The following MAP7 variants were observed in gnomAD, a reference collection of about 807,000 sequenced individuals.
MAP7 encodes the protein microtubule associated protein 7.
A neutral mutation model predicts 94.8 loss-of-function variants in MAP7; 52 were observed. The ratio of observed to expected loss-of-function variants is 0.55; its 90% confidence interval spans 0.44 to 0.69. The LOEUF (loss-of-function observed/expected upper bound fraction) is 0.69, where lower values mean the gene tolerates loss of function less well. Ranked by LOEUF, MAP7 falls within the 30% of genes least tolerant of loss-of-function variation. MAP7 has a pLI of 0.00. For synonymous variants in MAP7, 350 were observed against 357.0 expected (o/e 0.98, Z 0.22); for missense variants, 940 against 964.6 (o/e 0.97, Z 0.34).
intron 1 of MAP7, among the ~76,000 whole-genome samples, chr6:136,546,980 G>A (rs1352360122): frequency 6.6e-6 from 1 of 152,184 alleles, no homozygotes; most frequent in Non-Finnish European, 1.5e-5. Context: ...TTAGCAAGAT[G>A]TAAAGGTAAC....
chr6:136,448,178 C>A (rs74924003), intron 1 of MAP7, among the ~76,000 whole-genome samples: 4,458 of 151,742 alleles, frequency 0.029, 160 homozygotes, highest in East Asian at 0.13. Context: ...GCCGACACAG[C>A]GAGACTCTGT....
chr6:136,424,872 A>G (rs1385945140), intron 1 of MAP7, among the ~76,000 whole-genome samples: 1 of 152,246 alleles, frequency 6.6e-6, no homozygotes, highest in Non-Finnish European at 1.5e-5. Context: ...CCACAAGGAT[A>G]ATGTATTTCA....
At chr6:136,442,405 C>CAAAAAAAA (rs549791806) in intron 1 of MAP7, among the ~76,000 whole-genome samples, 1 of 90,656 alleles carries the variant, frequency 1.1e-5, no homozygotes, top group Admixed American at 1.2e-4. Context: ...ACTCTGTCTC[C>CAAAAAAAA]AAAAAAAAAA....
rs750474053 is a variant in MAP7, at chr6:136,389,347, G to A, written c.408+7C>T. ...GCCACTCATATTCTTCCCGGGGGGC[G>A]GCTCACTTTGTCCTCCTCAAGTCTC... On this transcript the variant is annotated splice_region_variant and intron_variant, in intron 4 of 17. Coordinates refer to ENST00000354570, the MANE Select transcript of MAP7 (RefSeq NM_003980.6). 13 of 1,519,420 alleles carry A rather than the reference G, an allele frequency of 8.6e-6. No individual in the cohort carries two copies. The highest frequency in any genetic ancestry group is 4.3e-5 in the African/African-American group (3 of 70,572). 94.1% of individuals were successfully genotyped at this position (1,519,420 alleles called of 1,614,324 possible).
chr6:136,448,368 T>A (rs1297365570), intron 1 of MAP7, among the ~76,000 whole-genome samples: 1 of 152,030 alleles, frequency 6.6e-6, no homozygotes, highest in African/African-American at 2.4e-5. Flanking sequence ...CAAAAAATCC[T>A]TCTATCATGA....
chr6:136,443,976 G>A (rs2128859661), intron 1 of MAP7, among the ~76,000 whole-genome samples: 1 of 152,256 alleles, frequency 6.6e-6, no homozygotes, highest in South Asian at 2.1e-4. Context: ...TTGTCATAGG[G>A]CACAAATTAA....
chr6:136,424,495 CTGG>C (rs2128783304), intron 1 of MAP7, among the ~76,000 whole-genome samples: 1 of 152,232 alleles, frequency 6.6e-6, no homozygotes, highest in Admixed American at 6.5e-5. Context: ...AACAAGCACC[CTGG>C]TGGTCTGGGA....
intron 1 of MAP7, among the ~76,000 whole-genome samples, chr6:136,485,555 ATTTT>A (rs747333121): frequency 2.0e-5 from 2 of 98,158 alleles, no homozygotes; most frequent in African/African-American, 4.5e-5. Context: ...TCCACTTCAG[ATTTT>A]TTTTTTTTTT....
chr6:136,345,900 C>T lies in MAP7; in HGVS notation c.2195G>A (p.Gly732Glu). 1 of 1,614,114 alleles carries T rather than the reference C, an allele frequency of 6.2e-7. No homozygotes were observed. Among genetic ancestry groups the T allele is most frequent in the African/African-American group, 1.3e-5 (1 of 75,010 alleles). The change falls in exon 17 of 18, where the codon GGG becomes GAG. Residue 732 changes from glycine (G) to glutamate (E), a missense_variant. By Grantham distance (98) the Gly-to-Glu change is moderately conservative (BLOSUM62 -2). Coordinates refer to ENST00000354570, the MANE Select transcript of MAP7 (RefSeq NM_003980.6). ...ILAFDDEGTL[G>E]PLPQVDGVQT... ...AACACCATCTACCTGAGGCAGGGGC[C>T]CAAGTGTCCCTTCATCATCAAAGGC...
At chr6:136,409,185 A>G (rs1786564778) in intron 3 of MAP7, among the ~76,000 whole-genome samples, 1 of 152,210 alleles carries the variant, frequency 6.6e-6, no homozygotes, top group African/African-American at 2.4e-5. Context: ...ATGAGATTGA[A>G]TTTTTAAAAA....
intron 1 of MAP7, among the ~76,000 whole-genome samples, chr6:136,433,703 G>A (rs191779271): frequency 3.3e-4 from 50 of 152,332 alleles, no homozygotes; most frequent in Non-Finnish European, 6.3e-4. Flanking sequence ...ATGGGTTCCA[G>A]GCCCCAGCTT....
chr6:136,454,035 C>G (rs1167287588), intron 1 of MAP7, among the ~76,000 whole-genome samples: 1 of 152,070 alleles, frequency 6.6e-6, no homozygotes, highest in Non-Finnish European at 1.5e-5. Context: ...TGCCTCATCT[C>G]CATATTTACA....
intron 11 of MAP7, among the ~76,000 whole-genome samples, chr6:136,362,078 T>C (rs1381912437): frequency 6.6e-6 from 1 of 152,206 alleles, no homozygotes; most frequent in Non-Finnish European, 1.5e-5. Flanking sequence ...TTATGGATTT[T>C]TTTTTTCTTT....
At chr6:136,494,389 T>C (rs929931234) in intron 1 of MAP7, among the ~76,000 whole-genome samples, 2 of 152,196 alleles carry the variant, frequency 1.3e-5, no homozygotes, top group East Asian at 3.8e-4. Context: ...AGCAAACATA[T>C]TTTACTTATA....
intron 1 of MAP7, among the ~76,000 whole-genome samples, chr6:136,441,806 G>A (rs570217968): frequency 7.9e-5 from 12 of 152,246 alleles, no homozygotes; most frequent in Non-Finnish European, 1.8e-4. Context: ...CTTGAACCCA[G>A]GAATTGTAGA....
intron 8 of MAP7, among the ~76,000 whole-genome samples, chr6:136,368,412 C>T (rs1794868484): frequency 6.6e-6 from 1 of 152,220 alleles, no homozygotes; most frequent in South Asian, 2.1e-4. Context: ...GGCAACATAT[C>T]AGCAGGAAAA....
intron 1 of MAP7, among the ~76,000 whole-genome samples, chr6:136,464,399 G>A (rs561511896): frequency 1.3e-5 from 2 of 152,332 alleles, no homozygotes; most frequent in South Asian, 4.1e-4. Flanking sequence ...TTGAGAGAGA[G>A]CGAGACCACA....
In MAP7 at chr6:136,407,124, T is replaced by C. The variant is rs550234789; in HGVS notation, c.244+4496A>G. Among the ~76,000 whole-genome samples the C allele has an allele frequency of 5.3e-5, 8 of 152,350 alleles. No homozygotes were observed. The South Asian group carries it at 1.2e-3, about 24-fold the overall frequency. ...CATAGTTAGTGCTCAATAAATACTG[T>C]TTATCATTATTGCTATTATTTCACT... On this transcript the variant is annotated intron_variant, in intron 3 of 17. Transcript: ENST00000354570.
chr6:136,512,047 G>A lies in MAP7; in HGVS notation c.67+38295C>T, dbSNP rs559191337. Among the ~76,000 whole-genome samples, 17 of 152,318 alleles carry A rather than the reference G, an allele frequency of 1.1e-4. No homozygotes were observed. The South Asian group carries it at 2.5e-3, about 22-fold the overall frequency. ...GCATAAAGGCTAGTGGACAAAGGTC[G>A]TTAATACAAAATTCACCGTCATTAT... On this transcript the variant is annotated intron_variant, in intron 1 of 17. Coordinates refer to ENST00000354570, the MANE Select transcript of MAP7 (RefSeq NM_003980.6).
Sources: allele counts gnomAD v4.1 joint callset (sites outside exome capture counted in the v4.1 genomes callset), GRCh38; gene constraint gnomAD v4.1.1; transcripts MANE v1.5; gene names NCBI Gene and HGNC (gene_info 2026-07-23, HGNC 2026-07-21).